PTPRG: variants seen among roughly 807,000 people sequenced by gnomAD.
The protein encoded by PTPRG is protein tyrosine phosphatase receptor type G, also known as receptor-type tyrosine-protein phosphatase gamma.
In PTPRG, 102 loss-of-function variants were observed where a neutral mutation model predicts 165.3. The observed-to-expected ratio is 0.62, with a 90% CI of 0.53 to 0.73. The LOEUF is 0.73. PTPRG is among the 30% of genes least tolerant of loss of function. The pLI is 0.00. For synonymous variants in PTPRG, 675 were observed against 669.5 expected (o/e 1.01, Z -0.13); for missense variants, 1,866 against 1,861.4 (o/e 1.00, Z -0.05).
At chr3:62,106,530 T>C (rs1456845290) in intron 5 of PTPRG, among the ~76,000 whole-genome samples, 1 of 143,500 alleles carries the variant, frequency 7.0e-6, no homozygotes, top group Admixed American at 7.2e-5. Context: ...TGGCTTGATC[T>C]CACTCTGTTG....
At chr3:61,759,123 T>C (rs1407108769) in intron 2 of PTPRG, among the ~76,000 whole-genome samples, 1 of 152,174 alleles carries the variant, frequency 6.6e-6, no homozygotes. Context: ...CCTATGACCC[T>C]GTTTGAGATC....
intron 2 of PTPRG, among the ~76,000 whole-genome samples, chr3:61,850,056 A>G (rs1477715116): frequency 1.3e-5 from 2 of 152,128 alleles, no homozygotes; most frequent in East Asian, 3.8e-4. Context: ...CTTCTCAAAT[A>G]AAAGCTAGCA....
intron 2 of PTPRG, among the ~76,000 whole-genome samples, chr3:61,904,287 C>G (rs749885806): frequency 6.6e-6 from 1 of 152,072 alleles, no homozygotes; most frequent in Non-Finnish European, 1.5e-5. Flanking sequence ...GTTTTTTTCT[C>G]AGGACTCAAG....
chr3:62,039,057 C>T (rs1420790819), intron 4 of PTPRG, among the ~76,000 whole-genome samples: 1 of 152,176 alleles, frequency 6.6e-6, no homozygotes, highest in Non-Finnish European at 1.5e-5. Flanking sequence ...GCTTCAGCCT[C>T]CTGAGTAGCT....
chr3:61,699,857 A>G (rs6798783), intron 1 of PTPRG, among the ~76,000 whole-genome samples: 19,132 of 152,224 alleles, frequency 0.13, 1,501 homozygotes, highest in Non-Finnish European at 0.17. Flanking sequence ...TTTGCATAAA[A>G]CTGAAACACT....
At chr3:61,865,677 C>T (rs1258202229) in intron 2 of PTPRG, among the ~76,000 whole-genome samples, 1 of 152,200 alleles carries the variant, frequency 6.6e-6, no homozygotes, top group Non-Finnish European at 1.5e-5. Context: ...ACCACATGAG[C>T]ATGACAGAGC....
At chr3:61,991,982 T>A (rs2040903856) in intron 3 of PTPRG, among the ~76,000 whole-genome samples, 1 of 152,196 alleles carries the variant, frequency 6.6e-6, no homozygotes, top group African/African-American at 2.4e-5. Flanking sequence ...CCACAACCTG[T>A]TGCATATCTC....
intron 2 of PTPRG, among the ~76,000 whole-genome samples, chr3:61,897,940 T>A (rs1223992147): frequency 6.6e-6 from 1 of 152,190 alleles, no homozygotes; most frequent in East Asian, 1.9e-4. Context: ...TTTAGGAGGT[T>A]TTTTTTCATG....
At chr3:61,742,466 G>A (rs533510676) in intron 1 of PTPRG, 36 of 1,578,656 alleles carry the variant, frequency 2.3e-5, no homozygotes, top group East Asian at 2.2e-4. Context: ...TAATATAGGC[G>A]CTGGGGCTTG....
At chr3:62,158,222 G>C (rs551604772) in intron 7 of PTPRG, among the ~76,000 whole-genome samples, 1 of 152,194 alleles carries the variant, frequency 6.6e-6, no homozygotes, top group Non-Finnish European at 1.5e-5. Flanking sequence ...CATGAGGTTT[G>C]AATGCATGGT....
At chr3:62,088,963 C>T (rs530537253) in intron 5 of PTPRG, among the ~76,000 whole-genome samples, 1 of 152,340 alleles carries the variant, frequency 6.6e-6, no homozygotes, top group African/African-American at 2.4e-5. Flanking sequence ...TATTAACCAT[C>T]TTTAACTGTA....
chr3:62,247,416 T>C (rs1303746445), intron 15 of PTPRG, among the ~76,000 whole-genome samples: 1 of 152,188 alleles, frequency 6.6e-6, no homozygotes, highest in Non-Finnish European at 1.5e-5. Flanking sequence ...ATATTCTCTT[T>C]AGTTTTTTCT....
intron 2 of PTPRG, among the ~76,000 whole-genome samples, chr3:61,829,759 C>A (rs1331406086): frequency 6.6e-6 from 1 of 152,080 alleles, no homozygotes; most frequent in Non-Finnish European, 1.5e-5. Context: ...GAATTTCTGT[C>A]ATCCTTCAAG....
intron 1 of PTPRG, among the ~76,000 whole-genome samples, chr3:61,589,909 A>G (rs559226980): frequency 7.5e-4 from 114 of 152,308 alleles, no homozygotes; most frequent in African/African-American, 2.6e-3. Flanking sequence ...TATAGAAAAC[A>G]GCCACTCACA....
At chr3:62,068,334 C>A (rs914788073) in intron 4 of PTPRG, among the ~76,000 whole-genome samples, 1 of 152,090 alleles carries the variant, frequency 6.6e-6, no homozygotes, top group African/African-American at 2.4e-5. Flanking sequence ...GAGGGATTCT[C>A]TATGTTAAGG....
intron 2 of PTPRG, among the ~76,000 whole-genome samples, chr3:61,901,720 T>G (rs927593985): frequency 1.3e-5 from 2 of 152,176 alleles, no homozygotes; most frequent in African/African-American, 4.8e-5. Flanking sequence ...GATAAGCCAA[T>G]TTGCCAACTG....
chr3:61,929,416 C>A (rs1249494743), intron 2 of PTPRG, among the ~76,000 whole-genome samples: 1 of 152,136 alleles, frequency 6.6e-6, no homozygotes, highest in African/African-American at 2.4e-5. Context: ...CAGTGATTTT[C>A]AAGTGACCCC....
At chr3:61,652,918 C>T (rs13064689) in intron 1 of PTPRG, among the ~76,000 whole-genome samples, 31,669 of 152,196 alleles carry the variant, frequency 0.21, 3,458 homozygotes, top group East Asian at 0.34. Context: ...GGGTCAGAAG[C>T]CTGTTTGGCA....
intron 1 of PTPRG, among the ~76,000 whole-genome samples, chr3:61,574,944 G>T (rs1700142070): frequency 6.6e-6 from 1 of 152,150 alleles, no homozygotes; most frequent in South Asian, 2.1e-4. Flanking sequence ...ACTGCCTCGA[G>T]AATGGCACCA....
Sources: allele counts gnomAD v4.1 joint callset (sites outside exome capture counted in the v4.1 genomes callset), GRCh38; gene constraint gnomAD v4.1.1; transcripts MANE v1.5; gene names NCBI Gene and HGNC (gene_info 2026-07-23, HGNC 2026-07-21).